ASB15: variants seen among roughly 807,000 people sequenced by gnomAD.
ASB15 encodes the protein ankyrin repeat and SOCS box containing 15, also known as ankyrin repeat and SOCS box protein 15.
ASB15 carries 54 observed loss-of-function variants against 58.0 expected under a neutral mutation model. The ratio of observed to expected loss-of-function variants is 0.93; its 90% CI spans 0.75 to 1.17. ASB15 has a LOEUF of 1.17. Ranked by LOEUF, ASB15 falls within the 50% of genes most tolerant of loss-of-function variation. ASB15 has a pLI of 0.00. For missense variants in ASB15, 680 were observed against 707.4 expected, an observed-to-expected ratio of 0.96 and a Z score of 0.44; for synonymous variants, 249 against 262.4, an observed-to-expected ratio of 0.95 and a Z score of 0.50.
At chr7:123,623,935 GAAAGAAAGAAAGAAAGAAAGA>G (rs1801549994) in intron 7 of ASB15, among the ~76,000 whole-genome samples, 1 of 4,402 alleles carries the variant, frequency 2.3e-4, no homozygotes, top group African/African-American at 8.4e-4. Flanking sequence ...AGAAAGAAAA[GAAAGAAAGAAAGAAAGAAAGA>G]AAGAAAGAAA....
Position 123,637,951 on chromosome 7 carries a change from G to GA in ASB15, c.*976dup, listed in dbSNP as rs1802509761. ...CACAATGCTCAATTCAGTTTCCAAA[G>GA]AAAAAAGCCTGGACATTAGGTTTGA... On this transcript the variant is annotated 3_prime_UTR_variant, in exon 12 of 12. Transcript: ENST00000451215. 1 of 131,644 alleles carries GA rather than the reference G, an allele frequency of 7.6e-6. No homozygotes were observed. Among genetic ancestry groups the GA allele is most frequent in the East Asian group, 2.3e-4 (1 of 4,272 alleles). 8.2% of individuals were successfully genotyped at this position (131,644 alleles called of 1,614,324 possible). A position where few individuals can be genotyped will look rare whatever the true frequency, so the allele number is the denominator to read the frequency against.
chr7:123,631,482 C>T lies in ASB15; in HGVS notation c.1594+1363C>T, dbSNP rs189148267. ...ATGCTTATTTTTTACAAATAAAAAGCTAAGCCTAAGGGAAATTACAAAACA... is the reference window on the plus strand; with the variant it reads ...ATGCTTATTTTTTACAAATAAAAAGTTAAGCCTAAGGGAAATTACAAAACA... On this transcript the variant is annotated intron_variant, in intron 11 of 11. Coordinates refer to ENST00000451215, the MANE Select transcript of ASB15 (RefSeq NM_001290258.2). Among the ~76,000 whole-genome samples the T allele has an allele frequency of 1.2e-4, 18 of 152,172 alleles. No homozygotes were observed. The East Asian group carries it at 3.3e-3, about 28-fold the overall frequency.
chr7:123,628,187 C>G lies in ASB15; in HGVS notation c.870-677C>G, dbSNP rs917684226. ...GGACTGATGCAAGGTTGATGGAATA[C>G]TAAAGACTCTTCTTTTGGCTAATAA... On this transcript the variant is annotated intron_variant, in intron 9 of 11. Coordinates refer to ENST00000451215, the MANE Select transcript of ASB15 (RefSeq NM_001290258.2). 1.5e-4 allele frequency among the ~76,000 whole-genome samples: 21 copies of G among 138,492 alleles called. No individual in the cohort carries two copies. In the East Asian group the frequency reaches 4.4e-3, roughly 29 times the overall value. The allele number at this position is 138,492 out of a possible 152,430, so 90.9% of individuals were successfully genotyped here. A position where few individuals can be genotyped will look rare whatever the true frequency, so the allele number is the denominator to read the frequency against.
At chr7:123,608,193 G>A (rs921065632) in intron 2 of ASB15, among the ~76,000 whole-genome samples, 1 of 151,650 alleles carries the variant, frequency 6.6e-6, no homozygotes, top group Non-Finnish European at 1.5e-5. Flanking sequence ...ACTACTAAAC[G>A]GGTTCTATCG....
At chr7:123,600,240 T>C (rs1004326346), upstream of ASB15, among the ~76,000 whole-genome samples, 3 of 152,182 alleles carry the variant, frequency 2.0e-5, no homozygotes, top group Non-Finnish European at 4.4e-5. Flanking sequence ...GGACTATGTC[T>C]TCAGTAACAG....
rs372243692 is a variant in ASB15 at position 123,629,959 on chromosome 7, C to T, written c.1441-7C>T. 2 of 1,546,438 alleles carry T rather than the reference C, an allele frequency of 1.3e-6. No individual in the cohort carries two copies. The highest frequency in any genetic ancestry group is 8.8e-7 in the Non-Finnish European group (1 of 1,134,236). ...ACTACTAAATTAAATTTTATCAATT[C>T]TCTCAGTTCTGTGAGTTTATTACAG... On this transcript the variant is annotated splice_region_variant and splice_polypyrimidine_tract_variant and intron_variant, in intron 10 of 11. Transcript: ENST00000451215.
chr7:123,626,730 TTTTG>T (rs542687896), intron 8 of ASB15, among the ~76,000 whole-genome samples: 1 of 152,024 alleles, frequency 6.6e-6, no homozygotes, highest in Non-Finnish European at 1.5e-5. Flanking sequence ...TGTGGGGGTT[TTTTG>T]TTTGTTTGTT....
chr7:123,599,656 A>G (rs908039967), upstream of ASB15, among the ~76,000 whole-genome samples: 2 of 152,180 alleles, frequency 1.3e-5, no homozygotes, highest in African/African-American at 4.8e-5. Flanking sequence ...AGGTGGGTCC[A>G]AGGACAGTTC....
chr7:123,594,570 G>T (rs746127070), intron 1 of ASB15, among the ~76,000 whole-genome samples: 1 of 152,116 alleles, frequency 6.6e-6, no homozygotes, highest in African/African-American at 2.4e-5. Context: ...GTTTGCTGGA[G>T]GTCCACTCCA....
intron 3 of ASB15, chr7:123,614,184 C>T (rs1336459169): frequency 4.0e-6 from 1 of 247,402 alleles, no homozygotes; most frequent in East Asian, 1.2e-4. Flanking sequence ...AAATTGGCAT[C>T]AATCAGAAGC....
intron 11 of ASB15, among the ~76,000 whole-genome samples, chr7:123,634,625 A>T (rs889866850): frequency 3.9e-5 from 6 of 152,350 alleles, no homozygotes; most frequent in African/African-American, 1.4e-4. Flanking sequence ...AAAACTGATA[A>T]AAGAAAGACT....
chr7:123,622,080 G>T (rs1426912778), intron 7 of ASB15, among the ~76,000 whole-genome samples: 5 of 152,116 alleles, frequency 3.3e-5, no homozygotes. Flanking sequence ...AGCAGTCCTT[G>T]TCAAGATAAT....
chr7:123,596,703 A>G (rs555736357), intron 1 of ASB15, among the ~76,000 whole-genome samples: 68 of 152,348 alleles, frequency 4.5e-4, no homozygotes, highest in African/African-American at 1.6e-3. Flanking sequence ...TTAAATTTAT[A>G]TAATTTCTTC....
intron 2 of ASB15, among the ~76,000 whole-genome samples, chr7:123,607,612 A>G (rs899550053): frequency 3.3e-5 from 5 of 152,010 alleles, no homozygotes; most frequent in African/African-American, 4.8e-5. Flanking sequence ...TCAGCCCCCC[A>G]AGTAGCTGAT....
intron 11 of ASB15, among the ~76,000 whole-genome samples, chr7:123,632,113 C>G (rs2116669706): frequency 6.6e-6 from 1 of 151,902 alleles, no homozygotes; most frequent in South Asian, 2.1e-4. Context: ...GAAAGAAGAA[C>G]AGAATAATAT....
At chr7:123,576,807 C>T (rs977093472) in intron 1 of ASB15, among the ~76,000 whole-genome samples, 3 of 152,196 alleles carry the variant, frequency 2.0e-5, no homozygotes, top group Non-Finnish European at 4.4e-5. Context: ...ACTAGGTTTT[C>T]TCACCACTCT....
chr7:123,610,418 A>C (rs370592946), intron 3 of ASB15, among the ~76,000 whole-genome samples: 1 of 152,244 alleles, frequency 6.6e-6, no homozygotes, highest in Non-Finnish European at 1.5e-5. Context: ...GTATCAAAAA[A>C]TTTACATGAT....
At chr7:123,591,770 A>C (rs914286701) in intron 1 of ASB15, among the ~76,000 whole-genome samples, 2 of 151,846 alleles carry the variant, frequency 1.3e-5, no homozygotes, top group African/African-American at 4.8e-5. Flanking sequence ...CTTTTTATAT[A>C]GTGTCTCTGC....
At chr7:123,605,624 A>C (rs1562922992) in intron 2 of ASB15, among the ~76,000 whole-genome samples, 1 of 152,234 alleles carries the variant, frequency 6.6e-6, no homozygotes, top group Non-Finnish European at 1.5e-5. Context: ...CTGGATAAAG[A>C]TAATGTTGTA....
Sources: gnomAD v4.1 joint callset for allele counts (sites outside exome capture counted in the v4.1 genomes callset) on GRCh38, gnomAD v4.1.1 for gene constraint, MANE v1.5 for transcripts, NCBI Gene and HGNC (gene_info 2026-07-23, HGNC 2026-07-21) for gene names.